The following LARP1B variants were observed in gnomAD, a reference collection of about 807,000 sequenced individuals.
LARP1B encodes the protein la-related protein 1B.
A neutral mutation model predicts 114.2 loss-of-function variants in LARP1B; 76 were observed. The ratio of observed to expected loss-of-function variants is 0.67; its 90% CI spans 0.55 to 0.81. The LOEUF is 0.81. Ranked by LOEUF, LARP1B falls within the 30% of genes least tolerant of loss-of-function variation. LARP1B has a pLI of 0.00. For missense variants in LARP1B, 1,014 were observed against 1,075.8 expected (o/e 0.94, Z 0.80); for synonymous variants, 345 against 348.0 (o/e 0.99, Z 0.10).
In LARP1B at chr4:128,068,338, C is replaced by T. The variant is rs550660804; in HGVS notation, c.-77-6122C>T. 2.7e-5 allele frequency among the ~76,000 whole-genome samples: 4 copies of T among 149,756 alleles called. No individual in the cohort carries two copies. The South Asian group carries it at 8.5e-4, about 32-fold the overall frequency. Reference sequence around the variant, plus strand: ...CGGCTTTTTTTTTTTTTTAAGAGACCGAGTCTCACTTTGTCACCCAGGCTA... The same window carrying T: ...CGGCTTTTTTTTTTTTTTAAGAGACTGAGTCTCACTTTGTCACCCAGGCTA... On this transcript the variant is annotated intron_variant, in intron 1 of 19. Coordinates refer to ENST00000326639, the MANE Select transcript of LARP1B (RefSeq NM_018078.4).
upstream of LARP1B, chr4:128,061,233 G>A (rs1360440478): frequency 6.6e-6 from 1 of 152,098 alleles, no homozygotes; most frequent in Non-Finnish European, 1.5e-5. Context: ...CCGGTGAGTA[G>A]CCACGTCACG....
chr4:128,163,590 G>A (rs1456629040), intron 12 of LARP1B, among the ~76,000 whole-genome samples: 1 of 152,122 alleles, frequency 6.6e-6, no homozygotes, highest in Non-Finnish European at 1.5e-5. Flanking sequence ...TTCTGAGATA[G>A]AGTTCTTACA....
At chr4:128,110,028 C>T (rs540714420) in intron 9 of LARP1B, among the ~76,000 whole-genome samples, 28 of 152,184 alleles carry the variant, frequency 1.8e-4, no homozygotes, top group African/African-American at 6.5e-4. Context: ...CTCAGCCTCC[C>T]GAGTAGCTGA....
chr4:128,121,094 CCACTG>C (rs1267673150), intron 10 of LARP1B, among the ~76,000 whole-genome samples: 2 of 152,142 alleles, frequency 1.3e-5, no homozygotes, highest in Admixed American at 6.5e-5. Context: ...TAGGTGTGAG[CCACTG>C]CACCTGGCCT....
chr4:128,089,514 T>G (rs1323389669), intron 5 of LARP1B, among the ~76,000 whole-genome samples: 1 of 151,976 alleles, frequency 6.6e-6, no homozygotes, highest in Non-Finnish European at 1.5e-5. Flanking sequence ...TTTTGTATTT[T>G]TAGTAGAGAT....
chr4:128,108,989 G>A (rs750124719), intron 9 of LARP1B: 16 of 263,958 alleles, frequency 6.1e-5, no homozygotes, highest in Non-Finnish European at 9.4e-5. Context: ...ATATTAAAAT[G>A]TCATAAATTT....
chr4:128,176,691 T>C (rs1746330440), intron 12 of LARP1B, among the ~76,000 whole-genome samples, 181 bp from the exon 13 acceptor site: 2 of 152,224 alleles, frequency 1.3e-5, no homozygotes, highest in South Asian at 4.1e-4. Flanking sequence ...CCAAACATTA[T>C]GTATGGTAGG....
At chr4:128,141,324 A>G (rs1394036638) in intron 11 of LARP1B, among the ~76,000 whole-genome samples, 4 of 152,142 alleles carry the variant, frequency 2.6e-5, no homozygotes, top group African/African-American at 4.8e-5. Context: ...TTCCTGGTCC[A>G]CTATCTCATG....
At chr4:128,200,463 C>T in intron 16 of LARP1B, 58 bp from the exon 17 acceptor site, 1 of 1,061,558 alleles carries the variant, frequency 9.4e-7, no homozygotes, top group Non-Finnish European at 1.3e-6. Context: ...ATAACATCTG[C>T]TGTCTTGTCT....
At chr4:128,076,855 A>T (rs1281106776) in intron 3 of LARP1B, among the ~76,000 whole-genome samples, 1 of 151,956 alleles carries the variant, frequency 6.6e-6, no homozygotes, top group Non-Finnish European at 1.5e-5. Context: ...CCCCATAAGT[A>T]GCTGCGACTA....
chr4:128,113,890 G>A (rs770239708), intron 9 of LARP1B, among the ~76,000 whole-genome samples: 4 of 149,608 alleles, frequency 2.7e-5, no homozygotes, highest in Non-Finnish European at 4.4e-5. Flanking sequence ...AGGTTCAAGC[G>A]ATTCTCCTGC....
intron 13 of LARP1B, among the ~76,000 whole-genome samples, chr4:128,177,245 TG>T (rs1746630580): frequency 6.6e-6 from 1 of 152,112 alleles, no homozygotes; most frequent in South Asian, 2.1e-4. Context: ...GAAAATGGAT[TG>T]GGAGAGGAAA....
intron 12 of LARP1B, among the ~76,000 whole-genome samples, chr4:128,170,283 AT>A (rs1743003134): frequency 6.6e-6 from 1 of 152,186 alleles, no homozygotes; most frequent in African/African-American, 2.4e-5. Flanking sequence ...TGAATATGCC[AT>A]ATGCATCTGA....
intron 9 of LARP1B, among the ~76,000 whole-genome samples, chr4:128,110,669 T>A (rs1398109738): frequency 9.9e-4 from 1 of 1,014 alleles, no homozygotes; most frequent in East Asian, 0.17. Context: ...AGAGCGAGAC[T>A]CCGTCTCAAA....
intron 10 of LARP1B, among the ~76,000 whole-genome samples, chr4:128,118,365 G>A (rs1415868174): frequency 6.6e-6 from 1 of 151,030 alleles, no homozygotes; most frequent in East Asian, 1.9e-4. Flanking sequence ...CCAAGTAGCT[G>A]GGACTACAGG....
intron 11 of LARP1B, among the ~76,000 whole-genome samples, chr4:128,152,535 T>C (rs1733338819): frequency 6.6e-6 from 1 of 151,840 alleles, no homozygotes; most frequent in Non-Finnish European, 1.5e-5. Flanking sequence ...TTTATTTTTT[T>C]ATTTTTTAGG....
At chr4:128,113,355 T>C (rs906018848) in intron 9 of LARP1B, among the ~76,000 whole-genome samples, 2 of 149,968 alleles carry the variant, frequency 1.3e-5, no homozygotes, top group African/African-American at 2.4e-5. Context: ...TTTTTTCTTT[T>C]TTTTTTTTTT....
chr4:128,147,650 TGAA>T (rs1435613528), intron 11 of LARP1B, among the ~76,000 whole-genome samples: 1 of 152,216 alleles, frequency 6.6e-6, no homozygotes, highest in Non-Finnish European at 1.5e-5. Context: ...GAAAGTGGAT[TGAA>T]GAGTACTTTT....
At position 128,169,309 on chromosome 4, in the gene LARP1B, G is replaced by T. The variant is rs566892301; in HGVS notation, c.1648+6992G>T. On this transcript the variant is annotated intron_variant, in intron 12 of 19. Coordinates refer to ENST00000326639, the MANE Select transcript of LARP1B (RefSeq NM_018078.4). ...CTTTTCTAGTTTGAGTGGAAGCTTA[G>T]ATCATTTATTTGACACCATTTTTCT... Among the ~76,000 whole-genome samples the T allele has an allele frequency of 2.6e-5, 4 of 151,660 alleles. No homozygotes were observed. In the South Asian group the frequency reaches 6.3e-4, roughly 24 times the overall value.
Sources: allele counts gnomAD v4.1 joint callset (sites outside exome capture counted in the v4.1 genomes callset), GRCh38; gene constraint gnomAD v4.1.1; transcripts MANE v1.5; gene names NCBI Gene and HGNC (gene_info 2026-07-23, HGNC 2026-07-21).